Variants in SERPINI1 observed in about 807,000 individuals in gnomAD.
SERPINI1 encodes the protein neuroserpin.
A neutral mutation model predicts 41.1 loss-of-function variants in SERPINI1; 19 were observed. The observed-to-expected ratio is 0.46, with a 90% CI of 0.32 to 0.68. SERPINI1 has a LOEUF of 0.68. SERPINI1 is among the 30% of genes least tolerant of loss of function. The pLI is 0.03. For missense variants in SERPINI1, 460 were observed against 479.2 expected, an observed-to-expected ratio of 0.96 and a Z score of 0.37; for synonymous variants, 138 against 156.6, an observed-to-expected ratio of 0.88 and a Z score of 0.89.
chr3:167,759,481 T>G (rs1208471406), intron 1 of SERPINI1, among the ~76,000 whole-genome samples: 2 of 150,060 alleles, frequency 1.3e-5, no homozygotes, highest in Non-Finnish European at 3.0e-5. Flanking sequence ...CGTAGCAACA[T>G]GGATGTAGCC....
chr3:167,759,224 A>T (rs764445770), intron 1 of SERPINI1, among the ~76,000 whole-genome samples: 2 of 152,082 alleles, frequency 1.3e-5, no homozygotes, highest in Non-Finnish European at 2.9e-5. Flanking sequence ...AAGACCTAAA[A>T]ATAGAACTAT....
At chr3:167,796,007 G>A (rs1041985765) in intron 5 of SERPINI1, among the ~76,000 whole-genome samples, 6 of 152,028 alleles carry the variant, frequency 3.9e-5, no homozygotes, top group African/African-American at 9.7e-5. Context: ...AATTGTTCAA[G>A]TATGATTAAT....
intron 1 of SERPINI1, among the ~76,000 whole-genome samples, chr3:167,767,572 A>G (rs1726607150): frequency 6.6e-6 from 1 of 152,114 alleles, no homozygotes; most frequent in Non-Finnish European, 1.5e-5. Flanking sequence ...GGCAAAGTAA[A>G]TTGAAATTTT....
At chr3:167,815,969 G>C (rs527238354) in intron 6 of SERPINI1, among the ~76,000 whole-genome samples, 1 of 152,178 alleles carries the variant, frequency 6.6e-6, no homozygotes, top group East Asian at 1.9e-4. Flanking sequence ...TTCCCTCTCT[G>C]CTGCTGTTGT....
chr3:167,739,111 CT>C (rs79245847), intron 1 of SERPINI1, among the ~76,000 whole-genome samples: 3,324 of 115,546 alleles, frequency 0.029, 53 homozygotes, highest in African/African-American at 0.062. Context: ...TTTGTTGTTT[CT>C]TTTTTTTTTT....
intron 1 of SERPINI1, among the ~76,000 whole-genome samples, chr3:167,778,821 A>AT (rs760592104): frequency 6.6e-6 from 1 of 152,216 alleles, no homozygotes; most frequent in Non-Finnish European, 1.5e-5. Context: ...GGAAGAGGCT[A>AT]TTGTCATCAT....
chr3:167,739,677 C>A (rs886570473), intron 1 of SERPINI1, among the ~76,000 whole-genome samples: 2 of 152,074 alleles, frequency 1.3e-5, no homozygotes, highest in East Asian at 3.8e-4. Context: ...TCTGTAGAAA[C>A]CATATTTCAT....
At chr3:167,822,824 A>G (rs1003979433) in intron 6 of SERPINI1, 162 bp from the exon 7 acceptor site, 27 of 566,914 alleles carry the variant, frequency 4.8e-5, no homozygotes, top group African/African-American at 3.4e-4. Context: ...ATTAAAAACC[A>G]CATCTTCAAT....
At chr3:167,740,020 C>CTT (rs141718664) in intron 1 of SERPINI1, among the ~76,000 whole-genome samples, 26,660 of 139,968 alleles carry the variant, frequency 0.19, 2,631 homozygotes, top group South Asian at 0.23. Flanking sequence ...CTGCCTTTTT[C>CTT]TTTTTTTTTT....
At chr3:167,770,261 T>G (rs1234035624) in intron 1 of SERPINI1, among the ~76,000 whole-genome samples, 1 of 151,996 alleles carries the variant, frequency 6.6e-6, no homozygotes, top group Non-Finnish European at 1.5e-5. Flanking sequence ...AGTTTCATTG[T>G]TTACTTTTAA....
intron 1 of SERPINI1, among the ~76,000 whole-genome samples, chr3:167,744,675 T>A (rs1168100998): frequency 9.3e-6 from 1 of 107,518 alleles, no homozygotes; most frequent in African/African-American, 4.4e-5. Context: ...AATATATATA[T>A]AAATATATAT....
intron 1 of SERPINI1, among the ~76,000 whole-genome samples, chr3:167,788,495 C>T (rs926142197): frequency 6.6e-5 from 10 of 152,298 alleles, no homozygotes; most frequent in African/African-American, 2.2e-4. Context: ...AAGATTGTCA[C>T]TGGGAGAGCA....
chr3:167,816,188 G>A (rs1486076334), intron 6 of SERPINI1, among the ~76,000 whole-genome samples: 1 of 151,860 alleles, frequency 6.6e-6, no homozygotes, highest in African/African-American at 2.4e-5. Context: ...GGACTACCAC[G>A]CCCAGCTAGT....
At chr3:167,810,124 C>CT (rs1255557296) in intron 6 of SERPINI1, among the ~76,000 whole-genome samples, 5 of 152,124 alleles carry the variant, frequency 3.3e-5, no homozygotes, top group Middle Eastern at 3.4e-3. Flanking sequence ...AAACTTGCCC[C>CT]TTTTTTTCCT....
chr3:167,757,506 T>A (rs1272159670), intron 1 of SERPINI1, among the ~76,000 whole-genome samples: 3 of 145,116 alleles, frequency 2.1e-5, no homozygotes, highest in African/African-American at 7.6e-5. Context: ...GATCTCTCTC[T>A]CTCTCACACA....
chr3:167,786,655 C>G (rs983205436), intron 1 of SERPINI1, among the ~76,000 whole-genome samples: 2 of 152,012 alleles, frequency 1.3e-5, no homozygotes, highest in African/African-American at 4.8e-5. Context: ...TAGAACATTA[C>G]TGTATGTTAC....
In SERPINI1 at chr3:167,789,342, A is replaced by G; in HGVS notation, c.214A>G (p.Ile72Val). 1.2e-6 allele frequency: 2 copies of G among 1,614,192 alleles called. No individual in the cohort carries two copies. Among genetic ancestry groups the G allele is most frequent in the Non-Finnish European group, 1.7e-6 (2 of 1,180,024 alleles). ...LGAQGSTQKEIRHSMGYDSLK... is the reference protein window; with the variant it reads ...LGAQGSTQKEVRHSMGYDSLK... Reference sequence around the variant, plus strand: ...GGCCCAAGGATCTACCCAGAAAGAAATCCGCCACTCAATGGGATATGACAG... The same window carrying G: ...GGCCCAAGGATCTACCCAGAAAGAAGTCCGCCACTCAATGGGATATGACAG... The change falls in exon 2 of 9, where the codon ATC (isoleucine) becomes GTC (valine). Residue 72 changes from isoleucine to valine, a missense_variant. Ile to Val is a conservative substitution (Grantham distance 29). Coordinates refer to ENST00000446050, the MANE Select transcript of SERPINI1 (RefSeq NM_001122752.2).
intron 6 of SERPINI1, among the ~76,000 whole-genome samples, chr3:167,816,540 G>T (rs1251669942): frequency 6.6e-6 from 1 of 152,144 alleles, no homozygotes; most frequent in African/African-American, 2.4e-5. Context: ...ACATTACCAG[G>T]AAACTCCCTC....
At position 167,768,617 on chromosome 3, in the gene SERPINI1, GTTC is replaced by G. The variant is rs1439799043; in HGVS notation, c.-18-20489_-18-20487del. On this transcript the variant is annotated intron_variant, in intron 1 of 8. Transcript: ENST00000446050. The stretch of plus-strand genomic sequence containing the variant: ...GCTAGCTACAGCCACAAAGAAAGTT[GTTC>G]TTCTGTGTATCTGAGTTTTCTAGAA... 4.6e-5 allele frequency among the ~76,000 whole-genome samples: 7 copies of G among 152,310 alleles called. No individual in the cohort carries two copies. The East Asian group carries it at 1.2e-3, about 25-fold the overall frequency.
Sources: gnomAD v4.1 joint callset for allele counts (sites outside exome capture counted in the v4.1 genomes callset) on GRCh38, gnomAD v4.1.1 for gene constraint, MANE v1.5 for transcripts, NCBI Gene and HGNC (gene_info 2026-07-23, HGNC 2026-07-21) for gene names.